PTPRN2: variants seen among roughly 807,000 people sequenced by gnomAD.
PTPRN2 encodes protein tyrosine phosphatase receptor type N2.
In PTPRN2, 74 loss-of-function variants were observed where a neutral mutation model predicts 118.8. The observed-to-expected ratio is 0.62, with a 90% confidence interval of 0.52 to 0.76. PTPRN2 has a LOEUF of 0.76. Among genes scored for constraint, PTPRN2 ranks in the 30% least tolerant of loss-of-function variants. The probability of loss-of-function intolerance (pLI) is 0.00; values close to 1 mark genes in which losing one functional copy is unlikely to be tolerated. For synonymous variants in PTPRN2, 641 were observed against 608.0 expected (o/e 1.05, Z -0.80); for missense variants, 1,481 against 1,394.4 (o/e 1.06, Z -0.99).
intron 11 of PTPRN2, among the ~76,000 whole-genome samples, chr7:157,985,780 T>C (rs1347742973): frequency 6.6e-6 from 1 of 152,206 alleles, no homozygotes; most frequent in Non-Finnish European, 1.5e-5. Context: ...ACGGAAACCA[T>C]GCATCCAAAT....
At chr7:158,226,648 T>C (rs982636599) in intron 3 of PTPRN2, among the ~76,000 whole-genome samples, 2 of 148,530 alleles carry the variant, frequency 1.3e-5, no homozygotes, top group African/African-American at 5.0e-5. Flanking sequence ...GCACGCTGCA[T>C]ATGAGGAACG....
chr7:158,329,876 CTG>C (rs1409935563), intron 2 of PTPRN2, among the ~76,000 whole-genome samples: 2 of 152,084 alleles, frequency 1.3e-5, no homozygotes, highest in East Asian at 1.9e-4. Flanking sequence ...CAGCGTCTGA[CTG>C]AGAAAATGCG....
chr7:157,971,147 T>C (rs952852691), intron 11 of PTPRN2, among the ~76,000 whole-genome samples: 1 of 152,226 alleles, frequency 6.6e-6, no homozygotes, highest in Non-Finnish European at 1.5e-5. Context: ...ATTCTGTTCA[T>C]CTTTGTTCTT....
intron 2 of PTPRN2, among the ~76,000 whole-genome samples, chr7:158,319,546 C>T (rs2151105197): frequency 7.0e-6 from 1 of 143,626 alleles, no homozygotes; most frequent in Non-Finnish European, 1.5e-5. Context: ...CAGCCTCCCT[C>T]ACACACACAC....
intron 2 of PTPRN2, among the ~76,000 whole-genome samples, chr7:158,459,477 G>A (rs1397954309): frequency 1.3e-5 from 2 of 152,250 alleles, no homozygotes; most frequent in Admixed American, 6.5e-5. Flanking sequence ...GCAAAAGGAC[G>A]TCGGCTCTGC....
At chr7:158,183,987 T>C (rs545943156) in intron 5 of PTPRN2, among the ~76,000 whole-genome samples, 1 of 152,366 alleles carries the variant, frequency 6.6e-6, no homozygotes. Flanking sequence ...TGCTGCTTTT[T>C]TAGTTTTTAG....
At chr7:158,200,045 G>A (rs1254133833) in intron 4 of PTPRN2, among the ~76,000 whole-genome samples, 5 of 152,080 alleles carry the variant, frequency 3.3e-5, no homozygotes, top group Non-Finnish European at 7.4e-5. Flanking sequence ...CACAATCCAC[G>A]TATGAGAAGG....
chr7:157,691,837 G>A (rs1797515379), intron 12 of PTPRN2, among the ~76,000 whole-genome samples: 1 of 152,152 alleles, frequency 6.6e-6, no homozygotes, highest in Non-Finnish European at 1.5e-5. Flanking sequence ...AGGGTCTCGG[G>A]GCGACTAGGA....
At chr7:157,905,154 C>T (rs1270352030) in intron 11 of PTPRN2, among the ~76,000 whole-genome samples, 1 of 151,474 alleles carries the variant, frequency 6.6e-6, no homozygotes, top group Non-Finnish European at 1.5e-5. Flanking sequence ...ACTGAGGACT[C>T]ACACCTACTC....
intron 16 of PTPRN2, among the ~76,000 whole-genome samples, chr7:157,599,302 G>A (rs962097895): frequency 2.0e-5 from 3 of 152,150 alleles, no homozygotes; most frequent in East Asian, 3.8e-4. Flanking sequence ...AAGCCACTGC[G>A]CCTGGCTTAC....
Position 158,525,562 on chromosome 7 carries a change from T to C in PTPRN2, c.113-35777A>G, listed in dbSNP as rs1418350159. ...TGGCCCAGAACAGGCGCTCACTGTA[T>C]CTCCTCCCTTCCTCCTGAGAGGTCC... On this transcript the variant is annotated intron_variant, in intron 1 of 22. Transcript: ENST00000389418. The surrounding 1 kb of genome is among the most constrained non-coding windows in gnomAD (Gnocchi z 4.1). 6.6e-6 allele frequency among the ~76,000 whole-genome samples: 1 copy of C among 152,180 alleles called. No homozygotes were observed. Among genetic ancestry groups the C allele is most frequent in the Non-Finnish European group, 1.5e-5 (1 of 68,028 alleles).
At chr7:157,722,399 C>T (rs1799289933) in intron 12 of PTPRN2, among the ~76,000 whole-genome samples, 1 of 152,210 alleles carries the variant, frequency 6.6e-6, no homozygotes, top group Non-Finnish European at 1.5e-5. Flanking sequence ...GGGCCAGGGG[C>T]AGGGCGGGGG....
intron 12 of PTPRN2, among the ~76,000 whole-genome samples, chr7:157,799,650 G>A (rs142124116): frequency 6.6e-6 from 1 of 152,202 alleles, no homozygotes; most frequent in African/African-American, 2.4e-5. Flanking sequence ...AACTTTCTAA[G>A]TCACAATTTA....
intron 11 of PTPRN2, among the ~76,000 whole-genome samples, chr7:158,035,478 G>A (rs1005514110): frequency 7.2e-5 from 11 of 152,196 alleles, no homozygotes; most frequent in African/African-American, 2.4e-4. Flanking sequence ...GTGGCAGGCA[G>A]GGGGGTCTGT....
chr7:158,481,865 AT>A (rs1261925309), intron 2 of PTPRN2, among the ~76,000 whole-genome samples: 1 of 152,224 alleles, frequency 6.6e-6, no homozygotes, highest in Non-Finnish European at 1.5e-5. Context: ...CCTGGAAAAA[AT>A]TCACCGTTCT....
At chr7:158,361,735 A>G (rs1356263094) in intron 2 of PTPRN2, among the ~76,000 whole-genome samples, 1 of 152,088 alleles carries the variant, frequency 6.6e-6, no homozygotes, top group Non-Finnish European at 1.5e-5. Flanking sequence ...GTGTTCCCCC[A>G]ACACAGATAC....
chr7:158,483,462 C>T lies in PTPRN2; in HGVS notation c.163+6273G>A, dbSNP rs570276124. 1.1e-4 allele frequency among the ~76,000 whole-genome samples: 16 copies of T among 152,328 alleles called. No homozygotes were observed. In the East Asian group the frequency reaches 3.1e-3, roughly 29 times the overall value. ...ACATAGCTTCAAAGAATTAGGGAGACACTCTGGATTTGAATATTCTAAAGT... is the reference window on the plus strand; with the variant it reads ...ACATAGCTTCAAAGAATTAGGGAGATACTCTGGATTTGAATATTCTAAAGT... On this transcript the variant is annotated intron_variant, in intron 2 of 22. Coordinates refer to ENST00000389418, the MANE Select transcript of PTPRN2 (RefSeq NM_002847.5).
At chr7:157,946,286 TA>T (rs112205197) in intron 11 of PTPRN2, among the ~76,000 whole-genome samples, 206 of 141,448 alleles carry the variant, frequency 1.5e-3, no homozygotes, top group Admixed American at 1.2e-3. Context: ...GAGAAGACAC[TA>T]AAAAAAAAAA....
intron 12 of PTPRN2, among the ~76,000 whole-genome samples, chr7:157,814,085 AGGTG>A (rs1182037049): frequency 6.6e-6 from 1 of 152,228 alleles, no homozygotes; most frequent in Non-Finnish European, 1.5e-5. Context: ...CGTGCTGCGC[AGGTG>A]AGGCCTGGTG....
Sources: gnomAD v4.1 joint callset for allele counts (sites outside exome capture counted in the v4.1 genomes callset) on GRCh38, gnomAD v4.1.1 for gene constraint, Gnocchi (gnomAD v3.1) non-coding constraint, MANE v1.5 for transcripts, NCBI Gene and HGNC (gene_info 2026-07-23, HGNC 2026-07-21) for gene names.